Variants in LRRC37A3 observed in about 807,000 individuals in gnomAD.
LRRC37A3 encodes the protein leucine rich repeat containing 37 member A3.
Under a neutral mutation model 106.2 loss-of-function variants are expected in LRRC37A3, and 25 were observed. The observed-to-expected ratio is 0.24, with a 90% CI of 0.17 to 0.33. The LOEUF (loss-of-function observed/expected upper bound fraction) is 0.33. Among genes scored for constraint, LRRC37A3 ranks in the 10% least tolerant of loss-of-function variants. The pLI is 1.00. For missense variants in LRRC37A3, 712 were observed against 1,644.9 expected (o/e 0.43, Z 9.81); for synonymous variants, 305 against 635.8 (o/e 0.48, Z 7.83).
intron 2 of LRRC37A3, among the ~76,000 whole-genome samples, chr17:64,899,410 A>T (rs1376909749): frequency 7.4e-6 from 1 of 135,790 alleles, no homozygotes; most frequent in Non-Finnish European, 1.5e-5. Context: ...ACAGAGTGAG[A>T]CTCCATCTCA....
intron 8 of LRRC37A3, among the ~76,000 whole-genome samples, chr17:64,885,463 TG>T (rs1973846497): frequency 1.1e-5 from 1 of 91,742 alleles, no homozygotes; most frequent in Admixed American, 1.1e-4. Flanking sequence ...TTGGCCAGGC[TG>T]GTCTCAAACT....
At chr17:64,875,730 G>A (rs1456973499) in intron 8 of LRRC37A3, among the ~76,000 whole-genome samples, 9 of 151,902 alleles carry the variant, frequency 5.9e-5, no homozygotes, top group Admixed American at 3.3e-4. Context: ...CAGAGGTTGC[G>A]GCGAGTAAAG....
intron 2 of LRRC37A3, among the ~76,000 whole-genome samples, chr17:64,913,515 T>C (rs1284545421): frequency 6.6e-6 from 1 of 151,462 alleles, no homozygotes. Context: ...TATTTTTCTC[T>C]TTTTAGTAGA....
Position 64,871,024 on chromosome 17 carries a change from C to G in LRRC37A3, c.2907-1858G>C, listed in dbSNP as rs577760682. ...AGCTGGGACTATAGGCACGCACCAC[C>G]ACGCCTGGCTATTTTTTGTGTTTTT... On this transcript the variant is annotated intron_variant, in intron 8 of 14. Transcript: ENST00000584306. 9.9e-5 allele frequency among the ~76,000 whole-genome samples: 15 copies of G among 151,506 alleles called. No homozygotes were observed. In the South Asian group the frequency reaches 2.9e-3, roughly 30 times the overall value.
At chr17:64,874,212 A>G (rs1214374163) in intron 8 of LRRC37A3, among the ~76,000 whole-genome samples, 1 of 152,258 alleles carries the variant, frequency 6.6e-6, no homozygotes, top group African/African-American at 2.4e-5. Context: ...AGCACTGGCA[A>G]TAGAGTAAAA....
chr17:64,855,056 C>T (rs1282587913), intron 14 of LRRC37A3, among the ~76,000 whole-genome samples: 2 of 152,106 alleles, frequency 1.3e-5, no homozygotes, highest in African/African-American at 2.4e-5. Context: ...AGGCTGGTCA[C>T]GAGCTCCTAA....
intron 8 of LRRC37A3, among the ~76,000 whole-genome samples, chr17:64,870,248 G>A (rs1973268695): frequency 6.6e-6 from 1 of 152,000 alleles, no homozygotes; most frequent in Non-Finnish European, 1.5e-5. Flanking sequence ...CCGCCACCAT[G>A]CCCTGTCATC....
intron 13 of LRRC37A3, among the ~76,000 whole-genome samples, chr17:64,857,620 C>T (rs1386683974): frequency 6.6e-6 from 1 of 152,130 alleles, no homozygotes; most frequent in Admixed American, 6.5e-5. Context: ...CCTCTGAAGT[C>T]TCTCATATGG....
intron 10 of LRRC37A3, among the ~76,000 whole-genome samples, chr17:64,865,118 T>C (rs1202285149): frequency 2.6e-5 from 4 of 152,212 alleles, no homozygotes; most frequent in East Asian, 3.8e-4. Flanking sequence ...TTTTGTTATA[T>C]AGCAACTTTA....
At position 64,918,785 on chromosome 17, in the gene LRRC37A3, A is replaced by G. The variant is rs547386319; in HGVS notation, c.-531T>C. On this transcript the variant is annotated 5_prime_UTR_variant, in exon 2 of 15. Coordinates refer to ENST00000584306, the MANE Select transcript of LRRC37A3 (RefSeq NM_199340.5). ...TGCAGTGGCTCACGCCTATAATCCC[A>G]ACACTTTGGGAAGCTGAGGCGGGCG... 277 of 473,480 alleles carry G rather than the reference A, an allele frequency of 5.9e-4. 2 individuals are homozygous for G. The highest frequency in any genetic ancestry group is 5.1e-3 in the African/African-American group (245 of 47,770). 29.3% of individuals were successfully genotyped at this position (473,480 alleles called of 1,614,324 possible). A position where few individuals can be genotyped will look rare whatever the true frequency, so the allele number is the denominator to read the frequency against.
intron 8 of LRRC37A3, among the ~76,000 whole-genome samples, chr17:64,881,708 C>G (rs1445752699): frequency 6.7e-6 from 1 of 150,154 alleles, no homozygotes; most frequent in Non-Finnish European, 1.5e-5. Flanking sequence ...TGAACATGAG[C>G]CTTTCTGGGT....
intron 1 of LRRC37A3, 75 bp from the exon 2 acceptor site, chr17:64,918,945 C>T: frequency 9.6e-7 from 1 of 1,039,642 alleles, no homozygotes; most frequent in Non-Finnish European, 1.2e-6. Context: ...TGACGGCCGT[C>T]CGGACCTGCA....
At position 64,866,614 on chromosome 17, in the gene LRRC37A3, ATATATATATATATATTT is replaced by A. The variant is rs1416900525; in HGVS notation, c.3053+1831_3053+1847del. The stretch of plus-strand genomic sequence containing the variant: ...CATATATATATATATATATATATAT[ATATATATATATATATTT>A]TTTTTTTTTTTTTTTTTTAGACAGG... On this transcript the variant is annotated intron_variant, in intron 10 of 14. Transcript: ENST00000584306. 3.9e-4 allele frequency among the ~76,000 whole-genome samples: 9 copies of A among 23,112 alleles called. No individual in the cohort carries two copies. In the East Asian group the frequency reaches 4.5e-3, roughly 12 times the overall value. The allele number at this position is 23,112 out of a possible 152,430, so 15.2% of individuals were successfully genotyped here.
intron 2 of LRRC37A3, among the ~76,000 whole-genome samples, chr17:64,915,931 C>G (rs1470852782): frequency 6.6e-6 from 1 of 151,958 alleles, no homozygotes; most frequent in African/African-American, 2.4e-5. Flanking sequence ...AACCCCATCT[C>G]TATTAAAAAT....
At chr17:64,916,967 CG>C (rs1974717154) in intron 2 of LRRC37A3, among the ~76,000 whole-genome samples, 1 of 151,148 alleles carries the variant, frequency 6.6e-6, no homozygotes, top group Admixed American at 6.6e-5. Context: ...AACTTGAGGC[CG>C]GGCGCAGTGG....
intron 10 of LRRC37A3, among the ~76,000 whole-genome samples, chr17:64,865,166 G>A (rs1253714362): frequency 6.6e-6 from 1 of 152,088 alleles, no homozygotes; most frequent in Non-Finnish European, 1.5e-5. Context: ...TTATTTTGAG[G>A]CCAGGTCTCA....
At chr17:64,870,151 C>T (rs62071398) in intron 8 of LRRC37A3, among the ~76,000 whole-genome samples, 27 of 144,778 alleles carry the variant, frequency 1.9e-4, no homozygotes, top group African/African-American at 6.2e-4. Context: ...AGTGCAGTGG[C>T]GCAATCTTGG....
intron 2 of LRRC37A3, among the ~76,000 whole-genome samples, chr17:64,904,270 AG>A (rs1401240889): frequency 6.6e-6 from 1 of 152,292 alleles, no homozygotes; most frequent in Non-Finnish European, 1.5e-5. Flanking sequence ...ACTTGAGGCC[AG>A]GAGTTTGAGA....
chr17:64,891,147 A>AT (rs918044281), intron 5 of LRRC37A3, among the ~76,000 whole-genome samples: 2 of 115,742 alleles, frequency 1.7e-5, no homozygotes, highest in Admixed American at 1.8e-4. Context: ...GAATGTAAGC[A>AT]TTTTTTCCAA....
Sources: gnomAD v4.1 joint callset for allele counts (sites outside exome capture counted in the v4.1 genomes callset) on GRCh38, gnomAD v4.1.1 for gene constraint, MANE v1.5 for transcripts, NCBI Gene and HGNC (gene_info 2026-07-23, HGNC 2026-07-21) for gene names.